KSR2: variants seen among roughly 807,000 people sequenced by gnomAD.
The protein encoded by KSR2 is kinase suppressor of ras 2.
KSR2 carries 25 observed loss-of-function variants against 107.8 expected under a neutral mutation model. The observed-to-expected ratio is 0.23, with a 90% confidence interval of 0.17 to 0.32. KSR2 has a LOEUF of 0.32. Ranked by LOEUF, KSR2 falls within the 10% of genes least tolerant of loss-of-function variation. The pLI is 1.00. For missense variants in KSR2, 887 were observed against 1,268.9 expected (o/e 0.70, Z 4.57); for synonymous variants, 480 against 507.0 (o/e 0.95, Z 0.71).
intron 1 of KSR2, among the ~76,000 whole-genome samples, chr12:117,861,991 G>T (rs1399150490): frequency 6.6e-6 from 1 of 151,926 alleles, no homozygotes; most frequent in East Asian, 1.9e-4. Flanking sequence ...TTCTAACTTG[G>T]GTCAAGTATT....
rs769343212 is a variant in KSR2 at position 117,531,754 on chromosome 12, T to A, written c.1688-47A>T. ...CAAAGTGAGTGTCCCCAGGGAGACA[T>A]CGCTTCAGGGACCAGATTGAGCTCT... is the stretch of plus-strand genomic sequence containing the variant. On this transcript the variant is annotated intron_variant, in intron 10 of 19. Coordinates refer to ENST00000339824, the MANE Select transcript of KSR2 (RefSeq NM_173598.6). The A allele has an allele frequency of 1.3e-5, 20 of 1,492,516 alleles. No homozygotes were observed. The South Asian group carries it at 2.3e-4, about 17-fold the overall frequency. 92.5% of individuals were successfully genotyped at this position (1,492,516 alleles called of 1,614,324 possible). A position where few individuals can be genotyped will look rare whatever the true frequency, so the allele number is the denominator to read the frequency against.
rs77465614 is a variant in KSR2 at position 117,609,726 on chromosome 12, C to T, written c.1172-27367G>A. On this transcript the variant is annotated intron_variant, in intron 5 of 19. Transcript: ENST00000339824. ...AAGGGTCCTTCAAGGGTGGCACCAG[C>T]GATGTTTGGGGCTGGATGATTCCTC... Among the ~76,000 whole-genome samples the T allele has an allele frequency of 1.2e-3, 185 of 152,212 alleles. 1 individual carries two copies. The highest frequency in any genetic ancestry group is 4.3e-3 in the African/African-American group (177 of 41,548).
chr12:117,879,744 A>G (rs1488520611), intron 1 of KSR2, among the ~76,000 whole-genome samples: 1 of 152,196 alleles, frequency 6.6e-6, no homozygotes, highest in Non-Finnish European at 1.5e-5. Context: ...AAAACTGTAT[A>G]TCAAATTTAT....
chr12:117,530,962 T>C lies in KSR2; in HGVS notation c.1781A>G (p.His594Arg), dbSNP rs755640622. The change falls in exon 12 of 20, where the codon CAT (histidine) becomes CGT (arginine). Residue 594 changes from histidine to arginine, a missense_variant. Transcript: ENST00000339824. Reference sequence around the variant, plus strand: ...TTACATTGGATTCGAGGTCACCGGATGCAGGATGACCTGGGGCGCCCGGGT... The same window carrying C: ...TTACATTGGATTCGAGGTCACCGGACGCAGGATGACCTGGGGCGCCCGGGT... The part of the protein sequence containing the change: ...TPTRAPQVIL[H>R]PVTSNPILEG... 1.9e-6 allele frequency: 3 copies of C among 1,613,714 alleles called. No homozygotes were observed. Among genetic ancestry groups the C allele is most frequent in the African/African-American group, 1.3e-5 (1 of 75,044 alleles).
chr12:117,621,299 A>G (rs879471213), intron 5 of KSR2, among the ~76,000 whole-genome samples: 1 of 152,184 alleles, frequency 6.6e-6, no homozygotes. Context: ...CTGTGAGTCA[A>G]TTAAACCTCT....
At position 117,968,912 on chromosome 12, in the gene KSR2, T is replaced by C. The variant is rs950392940; in HGVS notation, c.-657A>G. On this transcript the variant is annotated 5_prime_UTR_variant, in exon 1 of 20. Coordinates refer to ENST00000339824, the MANE Select transcript of KSR2 (RefSeq NM_173598.6). ...CCCGCGCTGCTGCTGCTGCTGCTGC[T>C]GCCGCCGCCGGGCTCCGGGGGTGAC... The C allele has an allele frequency of 5.5e-5, 14 of 255,560 alleles. No individual in the cohort carries two copies. Among genetic ancestry groups the C allele is most frequent in the African/African-American group, 1.6e-4 (7 of 42,488 alleles). The allele number at this position is 255,560 out of a possible 1,614,324, so 15.8% of individuals were successfully genotyped here. A position where few individuals can be genotyped will look rare whatever the true frequency, so the allele number is the denominator to read the frequency against.
chr12:117,836,247 G>A (rs964223047), intron 3 of KSR2, among the ~76,000 whole-genome samples: 2 of 152,018 alleles, frequency 1.3e-5, no homozygotes, highest in Admixed American at 6.5e-5. Flanking sequence ...CTCAACTGTC[G>A]GTACCCATCA....
In KSR2 at chr12:117,842,595, A is replaced by C. The variant is rs141587211; in HGVS notation, c.472+12833T>G. 1.0e-3 allele frequency among the ~76,000 whole-genome samples: 157 copies of C among 152,312 alleles called. 2 individuals carry two copies. The highest frequency in any genetic ancestry group is 3.7e-3 in the African/African-American group (153 of 41,568). ...TCAGGCCCTGCCAAGCACAAGTTCA[A>C]TGTCAATTCTGCACCCAATTCTTCT... On this transcript the variant is annotated intron_variant, in intron 3 of 19. Transcript: ENST00000339824. The surrounding 1 kb of genome is among the most constrained non-coding windows in gnomAD (Gnocchi z 4.2).
chr12:117,561,323 T>C (rs557929446), intron 7 of KSR2, among the ~76,000 whole-genome samples: 3 of 152,342 alleles, frequency 2.0e-5, no homozygotes, highest in South Asian at 4.1e-4. Context: ...TGGTCATGAA[T>C]GTCATAAAGA....
At position 117,460,188 on chromosome 12, in the gene KSR2, C is replaced by T. The variant is rs1291500387; in HGVS notation, c.*7011G>A. On this transcript the variant is annotated 3_prime_UTR_variant, in exon 20 of 20. Coordinates refer to ENST00000339824, the MANE Select transcript of KSR2 (RefSeq NM_173598.6). ...AACAAGGTCTTATTTAGATCAGGCACATTCTAGACAGAGTCCATCTCCTCC... is the reference window on the plus strand; with the variant it reads ...AACAAGGTCTTATTTAGATCAGGCATATTCTAGACAGAGTCCATCTCCTCC... 1.3e-5 allele frequency: 2 copies of T among 152,184 alleles called. No homozygotes were observed. Among genetic ancestry groups the T allele is most frequent in the Non-Finnish European group, 2.9e-5 (2 of 68,040 alleles). The allele number at this position is 152,184 out of a possible 1,614,324, so 9.4% of individuals were successfully genotyped here.
At chr12:117,713,464 A>G (rs961222261) in intron 4 of KSR2, among the ~76,000 whole-genome samples, 6 of 152,194 alleles carry the variant, frequency 3.9e-5, no homozygotes, top group Admixed American at 2.0e-4. Flanking sequence ...CTTCAAAGGA[A>G]TGTGCAACAA....
At chr12:117,680,091 CT>C (rs1324357293) in intron 4 of KSR2, among the ~76,000 whole-genome samples, 3 of 152,172 alleles carry the variant, frequency 2.0e-5, no homozygotes, top group Non-Finnish European at 2.9e-5. Flanking sequence ...CTTTAAGGGT[CT>C]GCTTGGGATT....
At chr12:117,944,815 G>T (rs898701045) in intron 1 of KSR2, among the ~76,000 whole-genome samples, 1 of 151,924 alleles carries the variant, frequency 6.6e-6, no homozygotes, top group Admixed American at 6.6e-5. Context: ...GTATGATCTC[G>T]CCATCGCACT....
intron 4 of KSR2, among the ~76,000 whole-genome samples, chr12:117,708,718 G>A (rs139399691): frequency 2.1e-3 from 323 of 152,252 alleles, no homozygotes; most frequent in African/African-American, 7.5e-3. Flanking sequence ...GTTTCAATGT[G>A]CAACAGTACT....
At chr12:117,777,816 C>T (rs572106945) in intron 3 of KSR2, among the ~76,000 whole-genome samples, 7 of 152,002 alleles carry the variant, frequency 4.6e-5, no homozygotes, top group African/African-American at 9.7e-5. Flanking sequence ...GGATCACTTG[C>T]GCCCAGGAGT....
chr12:117,823,988 T>C (rs1891650201), intron 3 of KSR2, among the ~76,000 whole-genome samples: 1 of 152,150 alleles, frequency 6.6e-6, no homozygotes, highest in Admixed American at 6.5e-5. Flanking sequence ...AGCCAAAATA[T>C]GGACACAACC....
chr12:117,634,915 C>A (rs2136383908), intron 5 of KSR2, among the ~76,000 whole-genome samples: 1 of 152,306 alleles, frequency 6.6e-6, no homozygotes, highest in Non-Finnish European at 1.5e-5. Flanking sequence ...TAAGCCCACC[C>A]AGCAGAGGTT....
rs763937155 is a variant in KSR2 at position 117,968,284 on chromosome 12, T to A, written c.-29A>T. ...TTGCTCTGCAACCCCCTTCCCCTCCTCCTCCTCCCAGAGAGAAAAAAGAGG... is the reference window on the plus strand; with the variant it reads ...TTGCTCTGCAACCCCCTTCCCCTCCACCTCCTCCCAGAGAGAAAAAAGAGG... On this transcript the variant is annotated 5_prime_UTR_variant, in exon 1 of 20. Coordinates refer to ENST00000339824, the MANE Select transcript of KSR2 (RefSeq NM_173598.6). 1 of 481,650 alleles carries A rather than the reference T, an allele frequency of 2.1e-6. No homozygotes were observed. Among genetic ancestry groups the A allele is most frequent in the East Asian group, 7.4e-5 (1 of 13,440 alleles). 29.8% of individuals were successfully genotyped at this position (481,650 alleles called of 1,614,324 possible).
chr12:117,667,450 G>A, intron 5 of KSR2, 24 bp downstream of exon 5: 1 of 1,600,918 alleles, frequency 6.2e-7, no homozygotes, highest in Non-Finnish European at 8.5e-7. Context: ...AGCGTTCCCA[G>A]TGCAGCCCGG....
Sources: allele counts gnomAD v4.1 joint callset (sites outside exome capture counted in the v4.1 genomes callset), GRCh38; gene constraint gnomAD v4.1.1; non-coding constraint Gnocchi (gnomAD v3.1); transcripts MANE v1.5; gene names NCBI Gene and HGNC (gene_info 2026-07-23, HGNC 2026-07-21).